The following ADAMTSL1 variants were observed in gnomAD, a reference collection of about 807,000 sequenced individuals.
ADAMTSL1 encodes the protein ADAMTS like 1, also known as ADAMTS-like protein 1.
In ADAMTSL1, 126 loss-of-function variants were observed where a neutral mutation model predicts 201.8. The observed-to-expected ratio is 0.62, with a 90% CI of 0.54 to 0.72. The LOEUF is 0.72. Among genes scored for constraint, ADAMTSL1 ranks in the 30% least tolerant of loss-of-function variants. The probability of loss-of-function intolerance (pLI) is 0.00; values close to 1 mark genes in which losing one functional copy is unlikely to be tolerated. For synonymous variants in ADAMTSL1, 1,121 were observed against 903.4 expected (o/e 1.24, Z -4.32); for missense variants, 2,679 against 2,277.8 (o/e 1.18, Z -3.59).
rs115760572 is a variant in ADAMTSL1, at chr9:18,190,497, G to T, written c.207+26516G>T. 2.3e-3 allele frequency among the ~76,000 whole-genome samples: 351 copies of T among 152,186 alleles called. 1 individual carries two copies. Among genetic ancestry groups the T allele is most frequent in the African/African-American group, 7.9e-3 (330 of 41,532 alleles). On this transcript the variant is annotated intron_variant, in intron 2 of 29. Transcript: ENST00000680146. The stretch of plus-strand genomic sequence containing the variant: ...ATTATGTCCTTTATTTTGTTAATCA[G>T]AGTGCCTATTTCAACCCGATTTCAA...
At chr9:18,116,939 C>T (rs1825276229) in intron 1 of ADAMTSL1, among the ~76,000 whole-genome samples, 1 of 152,140 alleles carries the variant, frequency 6.6e-6, no homozygotes, top group African/African-American at 2.4e-5. Flanking sequence ...TATCTTTCTA[C>T]CTGTGGCATT....
chr9:18,391,952 G>A (rs113862017), intron 2 of ADAMTSL1, among the ~76,000 whole-genome samples: 9,639 of 149,854 alleles, frequency 0.064, 405 homozygotes, highest in African/African-American at 0.12. Context: ...AGCCTCCCTA[G>A]TAGCTGGGAC....
At chr9:18,328,101 A>T (rs922963080) in intron 2 of ADAMTSL1, among the ~76,000 whole-genome samples, 2 of 152,240 alleles carry the variant, frequency 1.3e-5, no homozygotes, top group African/African-American at 4.8e-5. Flanking sequence ...ATCATCAGAG[A>T]TTATGCAGAT....
chr9:18,748,129 G>T (rs1038498336), intron 15 of ADAMTSL1, among the ~76,000 whole-genome samples: 1 of 152,166 alleles, frequency 6.6e-6, no homozygotes, highest in African/African-American at 2.4e-5. Flanking sequence ...TGACAAAGGG[G>T]ACAGAAACAG....
At chr9:18,117,117 C>T (rs1480796066) in intron 1 of ADAMTSL1, among the ~76,000 whole-genome samples, 1 of 152,092 alleles carries the variant, frequency 6.6e-6, no homozygotes, top group Non-Finnish European at 1.5e-5. Flanking sequence ...TACTTGATGC[C>T]ACCACCTATT....
chr9:18,379,193 C>T (rs1837439270), intron 2 of ADAMTSL1, among the ~76,000 whole-genome samples: 1 of 152,196 alleles, frequency 6.6e-6, no homozygotes, highest in African/African-American at 2.4e-5. Context: ...CCCAACAGAC[C>T]AGACCAAACC....
chr9:18,852,604 G>C (rs528055570), intron 23 of ADAMTSL1, among the ~76,000 whole-genome samples: 39 of 152,206 alleles, frequency 2.6e-4, no homozygotes, highest in Admixed American at 2.6e-3. Context: ...AGTTCTCTTT[G>C]ATAATATCAG....
chr9:18,742,542 C>T (rs181035267), intron 15 of ADAMTSL1, among the ~76,000 whole-genome samples: 75 of 152,226 alleles, frequency 4.9e-4, no homozygotes, highest in Non-Finnish European at 5.3e-4. Flanking sequence ...ATCTCAAGGA[C>T]GGTACAGTTG....
chr9:18,672,745 T>C (rs915630199), intron 9 of ADAMTSL1, among the ~76,000 whole-genome samples: 7 of 152,238 alleles, frequency 4.6e-5, no homozygotes, highest in African/African-American at 1.7e-4. Flanking sequence ...TGTTTCATTA[T>C]ATAAACTTGT....
intron 2 of ADAMTSL1, among the ~76,000 whole-genome samples, chr9:18,372,328 AAGGT>A (rs1229124875): frequency 6.6e-6 from 1 of 152,300 alleles, no homozygotes; most frequent in African/African-American, 2.4e-5. Flanking sequence ...AGTAACCAGA[AAGGT>A]AATCGCATGC....
chr9:18,562,310 G>C (rs1188333665), intron 3 of ADAMTSL1, among the ~76,000 whole-genome samples: 1 of 152,126 alleles, frequency 6.6e-6, no homozygotes, highest in Non-Finnish European at 1.5e-5. Flanking sequence ...TGAAATTCTT[G>C]GTTGAAAATT....
chr9:17,940,717 AAAAAAAAAAAG>A (rs1422176040), intron 1 of ADAMTSL1, among the ~76,000 whole-genome samples: 4 of 141,826 alleles, frequency 2.8e-5, no homozygotes, highest in South Asian at 2.1e-4. Flanking sequence ...ACGTGCAAAA[AAAAAAAAAAAG>A]AAAAAAAAGA....
chr9:18,629,027 G>A (rs1042912257), intron 5 of ADAMTSL1, among the ~76,000 whole-genome samples: 1 of 152,014 alleles, frequency 6.6e-6, no homozygotes, highest in Non-Finnish European at 1.5e-5. Context: ...GCTTGGCTTG[G>A]CATTGTATTC....
chr9:18,788,372 A>G (rs1489819766), intron 19 of ADAMTSL1, among the ~76,000 whole-genome samples: 1 of 151,422 alleles, frequency 6.6e-6, no homozygotes, highest in African/African-American at 2.4e-5. Context: ...CTTGACGTTA[A>G]TTACCCCCCC....
chr9:18,405,489 C>T (rs1005603148), intron 2 of ADAMTSL1, among the ~76,000 whole-genome samples: 5 of 152,080 alleles, frequency 3.3e-5, no homozygotes, highest in Admixed American at 2.0e-4. Flanking sequence ...ACAGGTTTGG[C>T]ATTGGGCCAC....
chr9:18,625,967 T>A (rs1308946863), intron 5 of ADAMTSL1, among the ~76,000 whole-genome samples: 1 of 152,220 alleles, frequency 6.6e-6, no homozygotes. Flanking sequence ...GGACTATCAT[T>A]CTAGCTCAAA....
At chr9:18,716,985 A>C (rs1832984528) in intron 14 of ADAMTSL1, among the ~76,000 whole-genome samples, 1 of 133,886 alleles carries the variant, frequency 7.5e-6, no homozygotes, top group Admixed American at 7.7e-5. Context: ...AACTATCGCA[A>C]GAACAAAAAA....
chr9:18,535,907 T>C (rs776259398), intron 3 of ADAMTSL1, among the ~76,000 whole-genome samples: 1 of 152,136 alleles, frequency 6.6e-6, no homozygotes. Flanking sequence ...GCAGGGATTA[T>C]GGGAAGTACA....
intron 26 of ADAMTSL1, among the ~76,000 whole-genome samples, chr9:18,898,536 A>G (rs1227656412): frequency 2.0e-5 from 3 of 152,230 alleles, no homozygotes; most frequent in Non-Finnish European, 2.9e-5. Flanking sequence ...GACCAAACCT[A>G]TGACTGATTG....
Sources: gnomAD v4.1 joint callset for allele counts (sites outside exome capture counted in the v4.1 genomes callset) on GRCh38, gnomAD v4.1.1 for gene constraint, MANE v1.5 for transcripts, NCBI Gene and HGNC (gene_info 2026-07-23, HGNC 2026-07-21) for gene names.